Variants in MTFR1 observed in about 807,000 individuals in gnomAD.
MTFR1 encodes chondrocyte protein with a poly-proline region.
A neutral mutation model predicts 38.8 loss-of-function variants in MTFR1; 28 were observed. That is an observed-to-expected ratio of 0.72 (90% CI 0.53 to 0.99). The LOEUF (loss-of-function observed/expected upper bound fraction) is 0.99, where lower values mean the gene tolerates loss of function less well. MTFR1 is among the 50% of genes least tolerant of loss of function. The pLI is 0.00. For missense variants in MTFR1, 358 were observed against 395.5 expected, an observed-to-expected ratio of 0.91 and a Z score of 0.81; for synonymous variants, 145 against 137.0, an observed-to-expected ratio of 1.06 and a Z score of -0.41.
chr8:65,647,341 T>G (rs1347610813), intron 1 of MTFR1, among the ~76,000 whole-genome samples: 1 of 152,170 alleles, frequency 6.6e-6, no homozygotes, highest in Non-Finnish European at 1.5e-5. Context: ...AGATGGAGTT[T>G]TACTCTTGTT....
intron 4 of MTFR1, 65 bp downstream of exon 4, chr8:65,693,824 G>T (rs1488116397): frequency 1.6e-6 from 2 of 1,247,102 alleles, no homozygotes; most frequent in Non-Finnish European, 2.3e-6. Flanking sequence ...GATATTATTT[G>T]CAGTACTTAT....
intron 2 of MTFR1, among the ~76,000 whole-genome samples, chr8:65,675,018 C>T (rs551825782): frequency 1.2e-3 from 177 of 152,266 alleles, no homozygotes; most frequent in African/African-American, 4.0e-3. Context: ...TGGCCTGGTG[C>T]AGTAGCTCAC....
intron 3 of MTFR1, among the ~76,000 whole-genome samples, chr8:65,754,989 C>A (rs1808155028): frequency 6.6e-6 from 1 of 150,502 alleles, no homozygotes; most frequent in Admixed American, 6.6e-5. Context: ...AATAAAAATT[C>A]TTCCATCATT....
intron 1 of MTFR1, among the ~76,000 whole-genome samples, chr8:65,658,561 G>A (rs185094371): frequency 2.0e-5 from 3 of 152,158 alleles, no homozygotes; most frequent in Admixed American, 2.0e-4. Context: ...TAGAATATAA[G>A]CCTATACCAT....
intron 3 of MTFR1, among the ~76,000 whole-genome samples, chr8:65,742,985 A>G (rs1310642064): frequency 6.6e-6 from 1 of 152,204 alleles, no homozygotes; most frequent in Non-Finnish European, 1.5e-5. Context: ...CATCCAGTGC[A>G]CTGCTGAGCT....
At chr8:65,730,241 C>A (rs572105001) in intron 3 of MTFR1, among the ~76,000 whole-genome samples, 1 of 122,094 alleles carries the variant, frequency 8.2e-6, no homozygotes, top group Admixed American at 1.1e-4. Flanking sequence ...AGAGTAATGG[C>A]GCAATCACGG....
chr8:65,661,122 A>G (rs1809403084), intron 1 of MTFR1, among the ~76,000 whole-genome samples: 1 of 152,232 alleles, frequency 6.6e-6, no homozygotes, highest in South Asian at 2.1e-4. Flanking sequence ...ACTATTCTGT[A>G]TGATATAACA....
At chr8:65,673,450 G>T (rs1281090764) in intron 2 of MTFR1, among the ~76,000 whole-genome samples, 1 of 151,636 alleles carries the variant, frequency 6.6e-6, no homozygotes, top group African/African-American at 2.4e-5. Flanking sequence ...CAAGGGAAGG[G>T]GGAGCATTAG....
chr8:65,650,987 A>G (rs567178753), intron 1 of MTFR1, among the ~76,000 whole-genome samples: 1 of 146,232 alleles, frequency 6.8e-6, no homozygotes, highest in South Asian at 2.1e-4. Flanking sequence ...TTTTGAATAT[A>G]AGCCATTTTA....
intron 1 of MTFR1, among the ~76,000 whole-genome samples, chr8:65,667,728 A>G (rs1406812854): frequency 6.6e-6 from 1 of 152,130 alleles, no homozygotes; most frequent in East Asian, 1.9e-4. Context: ...CACCTGGCCA[A>G]ATTCAGCAAA....
downstream of MTFR1, among the ~76,000 whole-genome samples, chr8:65,713,034 A>C (rs1805995879): frequency 6.6e-6 from 1 of 152,244 alleles, no homozygotes; most frequent in Non-Finnish European, 1.5e-5. Flanking sequence ...GTTGTAATAC[A>C]AGATGGAATG....
At chr8:65,697,326 A>G (rs546150588) in intron 4 of MTFR1, among the ~76,000 whole-genome samples, 22 of 152,282 alleles carry the variant, frequency 1.4e-4, no homozygotes, top group African/African-American at 4.8e-4. Flanking sequence ...ACCAGCACCT[A>G]AGAATGGCCA....
chr8:65,696,917 T>A (rs1316403372), intron 4 of MTFR1, among the ~76,000 whole-genome samples: 1 of 150,878 alleles, frequency 6.6e-6, no homozygotes, highest in Non-Finnish European at 1.5e-5. Flanking sequence ...TGCCTCGGCT[T>A]CCCAAAGTGC....
At chr8:65,710,990 TAGAGAGAGAG>T (rs58516082), downstream of MTFR1, among the ~76,000 whole-genome samples, 41 of 150,856 alleles carry the variant, frequency 2.7e-4, no homozygotes, top group Non-Finnish European at 4.9e-4. Context: ...TATATATATA[TAGAGAGAGAG>T]AGAGAGAGAG....
intron 1 of MTFR1, among the ~76,000 whole-genome samples, chr8:65,657,291 G>T (rs923209914): frequency 1.3e-5 from 2 of 152,164 alleles, no homozygotes; most frequent in African/African-American, 4.8e-5. Flanking sequence ...GGGATTACAG[G>T]CATAAGCAAC....
At chr8:65,660,538 T>G (rs1809383582) in intron 1 of MTFR1, among the ~76,000 whole-genome samples, 1 of 152,152 alleles carries the variant, frequency 6.6e-6, no homozygotes, top group African/African-American at 2.4e-5. Flanking sequence ...AGCTTGAGCT[T>G]GGATATCCCT....
intron 1 of MTFR1, among the ~76,000 whole-genome samples, chr8:65,662,232 C>T (rs1010852441): frequency 4.6e-5 from 7 of 152,014 alleles, no homozygotes; most frequent in African/African-American, 1.4e-4. Context: ...CGAGTGCCTG[C>T]GATTGCAGGC....
intron 2 of MTFR1, among the ~76,000 whole-genome samples, chr8:65,717,230 G>T (rs543633819): frequency 6.6e-6 from 1 of 152,314 alleles, no homozygotes; most frequent in East Asian, 1.9e-4. Flanking sequence ...TAATGTGTTT[G>T]ATTTAGAAGT....
intron 1 of MTFR1, among the ~76,000 whole-genome samples, chr8:65,657,978 A>T (rs1009950029): frequency 6.6e-6 from 1 of 152,164 alleles, no homozygotes; most frequent in Non-Finnish European, 1.5e-5. Context: ...TAAAATGTGG[A>T]CTGTCATCTG....
Sources: allele counts gnomAD v4.1 joint callset (sites outside exome capture counted in the v4.1 genomes callset), GRCh38; gene constraint gnomAD v4.1.1; transcripts MANE v1.5; gene names NCBI Gene and HGNC (gene_info 2026-07-23, HGNC 2026-07-21).